SPARC: variants seen among roughly 807,000 people sequenced by gnomAD.
SPARC encodes basement-membrane protein 40.
Under a neutral mutation model 37.7 loss-of-function variants are expected in SPARC, and 23 were observed. The observed-to-expected ratio is 0.61, with a 90% CI of 0.44 to 0.87. SPARC has a LOEUF of 0.87. Ranked by LOEUF, SPARC falls within the 40% of genes least tolerant of loss-of-function variation. The pLI, the probability that SPARC is intolerant of heterozygous loss-of-function variation, is 0.00. For synonymous variants in SPARC, 155 were observed against 150.8 expected (o/e 1.03, Z -0.20); for missense variants, 312 against 389.0 (o/e 0.80, Z 1.66).
intron 6 of SPARC, among the ~76,000 whole-genome samples, chr5:151,667,872 G>A (rs1056356456): frequency 1.3e-5 from 2 of 152,198 alleles, no homozygotes; most frequent in African/African-American, 4.8e-5. Flanking sequence ...CACCTTACTG[G>A]GTGCTGGGCT....
intron 4 of SPARC, chr5:151,672,795 G>T (rs542831834): frequency 1.2e-4 from 37 of 306,454 alleles, no homozygotes; most frequent in Non-Finnish European, 1.9e-4. Context: ...GGAGATTTCG[G>T]TGACCAGATG....
chr5:151,665,325 C>T (rs1032362280), intron 8 of SPARC, among the ~76,000 whole-genome samples: 2 of 152,184 alleles, frequency 1.3e-5, no homozygotes, highest in Admixed American at 1.3e-4. Flanking sequence ...CTTTTCCCCT[C>T]CCTGCCATAA....
rs1422797590 is a variant in SPARC at position 151,661,605 on chromosome 5, G to A, written c.*1966C>T. 6.6e-6 allele frequency: 1 copy of A among 152,178 alleles called. No homozygotes were observed. 9.4% of individuals were successfully genotyped at this position (152,178 alleles called of 1,614,324 possible). A position where few individuals can be genotyped will look rare whatever the true frequency, so the allele number is the denominator to read the frequency against. On this transcript the variant is annotated 3_prime_UTR_variant, in exon 10 of 10. Coordinates refer to ENST00000231061, the MANE Select transcript of SPARC (RefSeq NM_003118.4). ...CTCTAAGGGGAGTCTCAAAACCCCA[G>A]CTCAAAATACGACACTAACATGATG...
At chr5:151,674,563 C>A in intron 3 of SPARC, 49 bp downstream of exon 3, 2 of 1,575,760 alleles carry the variant, frequency 1.3e-6, no homozygotes, top group South Asian at 2.2e-5. Context: ...TCTCAGGGCA[C>A]AGATACAGGT....
chr5:151,683,115 G>GGGAGGGAA (rs1761036540), intron 1 of SPARC, among the ~76,000 whole-genome samples: 1 of 152,088 alleles, frequency 6.6e-6, no homozygotes, highest in Non-Finnish European at 1.5e-5. Flanking sequence ...GAGGGAGGGA[G>GGGAGGGAA]GCATCAGGGT....
At chr5:151,674,486 T>C in intron 3 of SPARC, 126 bp downstream of exon 3, 1 of 812,738 alleles carries the variant, frequency 1.2e-6, no homozygotes, top group Non-Finnish European at 2.1e-6. Context: ...TTTGCATCTA[T>C]GCTATGTGTG....
At chr5:151,668,021 T>C (rs1008325250) in intron 6 of SPARC, among the ~76,000 whole-genome samples, 4 of 152,214 alleles carry the variant, frequency 2.6e-5, no homozygotes, top group Non-Finnish European at 4.4e-5. Flanking sequence ...GACTCAGGAA[T>C]GTGTAACCAC....
intron 4 of SPARC, 85 bp from the exon 5 acceptor site, chr5:151,671,779 C>T: frequency 6.4e-7 from 1 of 1,562,926 alleles, no homozygotes; most frequent in South Asian, 1.2e-5. Context: ...TCAGGGCTGA[C>T]AGTCCTTGAC....
rs1310142518 is a variant in SPARC, at chr5:151,662,759, C to T, written c.*812G>A. On this transcript the variant is annotated 3_prime_UTR_variant, in exon 10 of 10. Transcript: ENST00000231061. ...CATCTCACTCTTGATTTTGGCCTTCCTGGCTGAAACAGCCTGGCAGTCCCT... is the reference window on the plus strand; with the variant it reads ...CATCTCACTCTTGATTTTGGCCTTCTTGGCTGAAACAGCCTGGCAGTCCCT... 6.6e-6 allele frequency: 1 copy of T among 152,238 alleles called. No individual in the cohort carries two copies. The highest frequency in any genetic ancestry group is 1.5e-5 in the Non-Finnish European group (1 of 68,050). The allele number at this position is 152,238 out of a possible 1,614,324, so 9.4% of individuals were successfully genotyped here.
chr5:151,682,017 A>G (rs1285200018), intron 1 of SPARC, among the ~76,000 whole-genome samples: 1 of 151,898 alleles, frequency 6.6e-6, no homozygotes, highest in Non-Finnish European at 1.5e-5. Flanking sequence ...GGAACACAAT[A>G]TGGAACCCTT....
In SPARC at chr5:151,663,085, T is replaced by A; in HGVS notation, c.*486A>T. ...ATCTCTCCCACCACTGAGCCTCTAG[T>A]CCCAAAACCATCCTTGACAACATCG... is the stretch of plus-strand genomic sequence containing the variant. On this transcript the variant is annotated 3_prime_UTR_variant, in exon 10 of 10. Transcript: ENST00000231061. 6.4e-6 allele frequency: 1 copy of A among 157,316 alleles called. No individual in the cohort carries two copies. Among genetic ancestry groups the A allele is most frequent in the East Asian group, 1.9e-4 (1 of 5,258 alleles). 9.7% of individuals were successfully genotyped at this position (157,316 alleles called of 1,614,324 possible).
intron 8 of SPARC, 134 bp downstream of exon 8, chr5:151,666,227 C>T (rs954704787): frequency 2.5e-6 from 2 of 811,070 alleles, no homozygotes; most frequent in Admixed American, 5.5e-5. Context: ...GATGCCTCAT[C>T]CTTCTGCTCC....
chr5:151,666,742 G>A (rs1403569062), intron 7 of SPARC, among the ~76,000 whole-genome samples: 1 of 152,204 alleles, frequency 6.6e-6, no homozygotes, highest in Admixed American at 6.5e-5. Context: ...ATCACCTGGC[G>A]AAGGCCGGGC....
rs746262776 is a variant in SPARC, at chr5:151,684,604, G to GAA, written c.-14+2259_-14+2260dup. Among the ~76,000 whole-genome samples the GAA allele has an allele frequency of 4.1e-3, 464 of 112,752 alleles. 2 individuals carry two copies. The highest frequency in any genetic ancestry group is 7.3e-3 in the African/African-American group (215 of 29,424). The allele number at this position is 112,752 out of a possible 152,430, so 74.0% of individuals were successfully genotyped here. ...AACCCCAAGATGATGGAGCTGCCAG[G>GAA]AAAAAAAAAAAAAAAAAAAGCTGAG... On this transcript the variant is annotated intron_variant, in intron 1 of 9. Transcript: ENST00000231061.
chr5:151,671,557 G>A lies in SPARC; in HGVS notation c.330+16C>T. ...TGCCCAATCCCTTCCCCCTGCCCCT[G>A]TCTCTCAGCCCTCACCTTCTCAAAC... On this transcript the variant is annotated intron_variant, in intron 5 of 9. Coordinates refer to ENST00000231061, the MANE Select transcript of SPARC (RefSeq NM_003118.4). The A allele has an allele frequency of 6.5e-7, 1 of 1,549,416 alleles. No homozygotes were observed. The highest frequency in any genetic ancestry group is 8.7e-7 in the Non-Finnish European group (1 of 1,149,844).
At chr5:151,681,580 C>G (rs1025037162) in intron 1 of SPARC, among the ~76,000 whole-genome samples, 2 of 152,174 alleles carry the variant, frequency 1.3e-5, no homozygotes, top group African/African-American at 4.8e-5. Context: ...TCTAGTTAAT[C>G]AATAAGTGTG....
chr5:151,662,137 T>C lies in SPARC; in HGVS notation c.*1434A>G, dbSNP rs1488597883. ...TTTTGTGAATGAATGAATGAATGAA[T>C]GACCATGATTAATAAAAGGATATAG... On this transcript the variant is annotated 3_prime_UTR_variant, in exon 10 of 10. Transcript: ENST00000231061. 2.0e-5 allele frequency: 3 copies of C among 152,650 alleles called. No homozygotes were observed. The highest frequency in any genetic ancestry group is 7.2e-5 in the African/African-American group (3 of 41,452). The allele number at this position is 152,650 out of a possible 1,614,324, so 9.5% of individuals were successfully genotyped here.
chr5:151,671,844 G>T lies in SPARC; in HGVS notation c.209-150C>A, dbSNP rs559601838. 65 of 916,320 alleles carry T rather than the reference G, an allele frequency of 7.1e-5. No individual in the cohort carries two copies. In the Middle Eastern group the frequency reaches 8.0e-3, roughly 113 times the overall value. The allele number at this position is 916,320 out of a possible 1,614,324, so 56.8% of individuals were successfully genotyped here. On this transcript the variant is annotated intron_variant, in intron 4 of 9. Transcript: ENST00000231061. ...CCTGAGTCCTGCCTGCTCTTGCACT[G>T]AGCCTCACAGTCAACATTTAGGGCA... is the stretch of plus-strand genomic sequence containing the variant.
At chr5:151,670,256 C>T (rs554035877) in intron 5 of SPARC, among the ~76,000 whole-genome samples, 1 of 152,320 alleles carries the variant, frequency 6.6e-6, no homozygotes, top group Admixed American at 6.5e-5. Context: ...AAGAGTGGCT[C>T]GCTATGCCTG....
Sources: allele counts gnomAD v4.1 joint callset (sites outside exome capture counted in the v4.1 genomes callset), GRCh38; gene constraint gnomAD v4.1.1; transcripts MANE v1.5; gene names NCBI Gene and HGNC (gene_info 2026-07-23, HGNC 2026-07-21).